Variants in MTUS1 observed in about 807,000 individuals in gnomAD.
MTUS1 encodes the protein microtubule associated scaffold protein 1.
MTUS1 carries 109 observed loss-of-function variants against 120.8 expected under a neutral mutation model. The observed-to-expected ratio is 0.90, with a 90% CI of 0.77 to 1.06. The LOEUF (loss-of-function observed/expected upper bound fraction) is 1.06. MTUS1 is among the 50% of genes least tolerant of loss of function. The probability of loss-of-function intolerance (pLI) is 0.00; values close to 1 mark genes in which losing one functional copy is unlikely to be tolerated. For missense variants in MTUS1, 2,210 were observed against 1,486.3 expected (o/e 1.49, Z -8.01); for synonymous variants, 737 against 550.5 (o/e 1.34, Z -4.74).
At chr8:17,670,171 G>A (rs1296783393) in intron 8 of MTUS1, among the ~76,000 whole-genome samples, 1 of 152,214 alleles carries the variant, frequency 6.6e-6, no homozygotes, top group African/African-American at 2.4e-5. Context: ...AGGGGTGAAT[G>A]AGGAGACGCT....
At chr8:17,781,320 T>C (rs2050860540) in intron 1 of MTUS1, among the ~76,000 whole-genome samples, 8 of 152,220 alleles carry the variant, frequency 5.3e-5, no homozygotes, top group Non-Finnish European at 1.2e-4. Flanking sequence ...TGTACCACAT[T>C]GTAACCAAAG....
rs545734543 is a variant in MTUS1, at chr8:17,723,903, T to C, written c.2288-70A>G. 2.2e-5 allele frequency: 29 copies of C among 1,335,696 alleles called. No homozygotes were observed. In the East Asian group the frequency reaches 4.8e-4, roughly 22 times the overall value. The allele number at this position is 1,335,696 out of a possible 1,614,324, so 82.7% of individuals were successfully genotyped here. A position where few individuals can be genotyped will look rare whatever the true frequency, so the allele number is the denominator to read the frequency against. On this transcript the variant is annotated intron_variant, in intron 3 of 14. Coordinates refer to ENST00000693296, the MANE Select transcript of MTUS1 (RefSeq NM_001363059.2). ...CGAAAGCTGGCACTTTTTAAGCCTG[T>C]AAACTCAAACTTCTGCACTAACAAC...
At chr8:17,694,380 G>A (rs1424648928) in intron 6 of MTUS1, among the ~76,000 whole-genome samples, 3 of 152,172 alleles carry the variant, frequency 2.0e-5, no homozygotes, top group Non-Finnish European at 4.4e-5. Flanking sequence ...CAAAGGTGAG[G>A]TTTGGCCAGA....
At chr8:17,672,259 T>C (rs28526414) in intron 8 of MTUS1, among the ~76,000 whole-genome samples, 2,833 of 152,310 alleles carry the variant, frequency 0.019, 100 homozygotes, top group African/African-American at 0.065. Context: ...TAATACCTAT[T>C]ATTTAATAGC....
At chr8:17,697,134 C>G (rs117461920) in intron 6 of MTUS1, 2 of 1,265,840 alleles carry the variant, frequency 1.6e-6, no homozygotes, top group East Asian at 4.8e-5. Context: ...AGCCTCATCT[C>G]TCATTAGAGA....
At chr8:17,661,383 G>A (rs1457195395) in intron 8 of MTUS1, among the ~76,000 whole-genome samples, 2 of 152,188 alleles carry the variant, frequency 1.3e-5, no homozygotes, top group African/African-American at 2.4e-5. Flanking sequence ...CCATCTGGAA[G>A]CTCATATCTG....
In MTUS1 at chr8:17,715,655, T is replaced by C. The variant is rs140573647; in HGVS notation, c.2584+112A>G. The stretch of plus-strand genomic sequence containing the variant: ...TATTATATCTCCTTTCTCAACATAT[T>C]TGTAATCATTGTTGACTATACCATA... On this transcript the variant is annotated intron_variant, in intron 5 of 14. Transcript: ENST00000693296. 2.3e-5 allele frequency: 25 copies of C among 1,097,256 alleles called. No individual in the cohort carries two copies. In the East Asian group the frequency reaches 5.5e-4, roughly 24 times the overall value. 68.0% of individuals were successfully genotyped at this position (1,097,256 alleles called of 1,614,324 possible).
At chr8:17,797,140 G>A (rs1017030634) in intron 1 of MTUS1, among the ~76,000 whole-genome samples, 2 of 151,938 alleles carry the variant, frequency 1.3e-5, no homozygotes, top group African/African-American at 2.4e-5. Context: ...GGCTGAGGGC[G>A]GTGGCTCATG....
At position 17,674,194 on chromosome 8, in the gene MTUS1, T is replaced by A. The variant is rs115943990; in HGVS notation, c.2905+992A>T. ...GGCTCACACCTATAATCCCAGTACT[T>A]TGGGAGGCCAAGGTCAAGAGATGGA... On this transcript the variant is annotated intron_variant, in intron 8 of 14. Transcript: ENST00000693296. Among the ~76,000 whole-genome samples, 802 of 152,030 alleles carry A rather than the reference T, an allele frequency of 5.3e-3. 7 individuals carry two copies. Among genetic ancestry groups the A allele is most frequent in the African/African-American group, 0.018 (766 of 41,458 alleles).
In MTUS1 at chr8:17,655,922, T is replaced by G; in HGVS notation, c.3049A>C (p.Lys1017Gln). The change falls in exon 9 of 15, where the codon AAG (lysine) becomes CAG (glutamine). Residue 1017 changes from lysine to glutamine, a missense_variant. Transcript: ENST00000693296. ...LKEFYTREYEKLRDTYIEEAE... is the reference protein window; with the variant it reads ...LKEFYTREYEQLRDTYIEEAE... The stretch of plus-strand genomic sequence containing the variant: ...TCTTCAATGTAAGTGTCCCGAAGCT[T>G]TTCATACTCCCTGGTGTAAAACTCT... 1 of 1,614,202 alleles carries G rather than the reference T, an allele frequency of 6.2e-7. No individual in the cohort carries two copies. The highest frequency in any genetic ancestry group is 8.5e-7 in the Non-Finnish European group (1 of 1,180,028).
At chr8:17,735,242 G>C (rs893139132) in intron 3 of MTUS1, among the ~76,000 whole-genome samples, 1 of 152,020 alleles carries the variant, frequency 6.6e-6, no homozygotes, top group Non-Finnish European at 1.5e-5. Context: ...TTCTCCTCCG[G>C]AAAACTTCTT....
intron 6 of MTUS1, chr8:17,705,742 C>T (rs1174768713): frequency 6.6e-6 from 1 of 152,252 alleles, no homozygotes; most frequent in Non-Finnish European, 1.5e-5. Context: ...GAAAGCCGCC[C>T]TGTTCTCCTG....
intron 4 of MTUS1, among the ~76,000 whole-genome samples, chr8:17,716,193 T>C (rs73206204): frequency 0.033 from 5,075 of 152,240 alleles, 116 homozygotes; most frequent in Non-Finnish European, 0.052. Flanking sequence ...GAAGAAATAA[T>C]ACAGCCACTT....
chr8:17,655,188 C>G (rs1322970468), intron 9 of MTUS1, among the ~76,000 whole-genome samples: 1 of 147,382 alleles, frequency 6.8e-6, no homozygotes, highest in Non-Finnish European at 1.5e-5. Flanking sequence ...TAGATATTTA[C>G]TAAATGAAAA....
intron 6 of MTUS1, among the ~76,000 whole-genome samples, chr8:17,704,850 T>C (rs1222360962): frequency 6.6e-6 from 1 of 152,196 alleles, no homozygotes; most frequent in African/African-American, 2.4e-5. Flanking sequence ...TAGATCTCTT[T>C]GGGTGGTATG....
chr8:17,684,604 C>T (rs1043794058), intron 6 of MTUS1, 62 bp from the exon 7 acceptor site: 2 of 1,353,528 alleles, frequency 1.5e-6, no homozygotes, highest in East Asian at 4.6e-5. Flanking sequence ...ATCACCACCA[C>T]AAGGATTCAA....
At chr8:17,659,412 G>A (rs1809184544) in intron 8 of MTUS1, among the ~76,000 whole-genome samples, 1 of 152,182 alleles carries the variant, frequency 6.6e-6, no homozygotes, top group African/African-American at 2.4e-5. Context: ...AAACTGTGAT[G>A]AGGGCTGGGC....
chr8:17,730,521 C>T (rs2046498914), intron 3 of MTUS1, among the ~76,000 whole-genome samples: 1 of 148,642 alleles, frequency 6.7e-6, no homozygotes, highest in African/African-American at 2.5e-5. Flanking sequence ...AAGACTTGAG[C>T]AGGTATCTGT....
At chr8:17,779,925 A>G (rs923827287) in intron 1 of MTUS1, among the ~76,000 whole-genome samples, 3 of 152,164 alleles carry the variant, frequency 2.0e-5, no homozygotes, top group African/African-American at 4.8e-5. Context: ...TCAACTGTCA[A>G]TGTGACATCT....
Sources: allele counts gnomAD v4.1 joint callset (sites outside exome capture counted in the v4.1 genomes callset), GRCh38; gene constraint gnomAD v4.1.1; transcripts MANE v1.5; gene names NCBI Gene and HGNC (gene_info 2026-07-23, HGNC 2026-07-21).